Variants in ZNF277 observed in about 807,000 individuals in gnomAD.
ZNF277 encodes the protein nuclear receptor-interacting factor 4.
In ZNF277, 55 loss-of-function variants were observed where a neutral mutation model predicts 60.7. The ratio of observed to expected loss-of-function variants is 0.91; its 90% CI spans 0.73 to 1.13. ZNF277 has a LOEUF of 1.13. Among genes scored for constraint, ZNF277 ranks in the 50% most tolerant of loss-of-function variants. The pLI is 0.00. For missense variants in ZNF277, 510 were observed against 523.0 expected (o/e 0.98, Z 0.24); for synonymous variants, 178 against 179.3 (o/e 0.99, Z 0.06).
chr7:112,208,737 G>A (rs1003329763), intron 1 of ZNF277, among the ~76,000 whole-genome samples: 4 of 126,736 alleles, frequency 3.2e-5, no homozygotes, highest in African/African-American at 1.2e-4. Context: ...CTGGAGTGCA[G>A]TGGCGCGATC....
intron 5 of ZNF277, among the ~76,000 whole-genome samples, chr7:112,326,842 A>C (rs1223880830): frequency 6.6e-6 from 1 of 152,214 alleles, no homozygotes; most frequent in African/African-American, 2.4e-5. Context: ...GGCTCTCCAA[A>C]ACAATCACCT....
At chr7:112,302,547 T>C (rs985532568) in intron 4 of ZNF277, among the ~76,000 whole-genome samples, 2 of 152,128 alleles carry the variant, frequency 1.3e-5, no homozygotes, top group African/African-American at 4.8e-5. Flanking sequence ...TTATTAACAG[T>C]GCAACAGAGA....
At chr7:112,277,939 C>T (rs1283159621) in intron 1 of ZNF277, among the ~76,000 whole-genome samples, 2 of 152,168 alleles carry the variant, frequency 1.3e-5, no homozygotes, top group African/African-American at 4.8e-5. Flanking sequence ...GCTAGGCCTT[C>T]AGGACTGCCA....
At chr7:112,267,954 AT>A (rs1235872843) in intron 1 of ZNF277, among the ~76,000 whole-genome samples, 4 of 152,138 alleles carry the variant, frequency 2.6e-5, no homozygotes, top group Admixed American at 2.0e-4. Context: ...ACAGATATGC[AT>A]TTTTGTTAAC....
At chr7:112,281,659 T>C (rs1158956146) in intron 1 of ZNF277, among the ~76,000 whole-genome samples, 1 of 152,136 alleles carries the variant, frequency 6.6e-6, no homozygotes, top group Non-Finnish European at 1.5e-5. Context: ...GCAGAGAAAG[T>C]TCCCCTAAAG....
At chr7:112,321,376 T>A (rs1373415772) in intron 5 of ZNF277, among the ~76,000 whole-genome samples, 1 of 152,148 alleles carries the variant, frequency 6.6e-6, no homozygotes, top group Non-Finnish European at 1.5e-5. Context: ...ATTTGTTTCC[T>A]CCTCACTCCT....
At chr7:112,221,122 C>A (rs1822018448) in intron 1 of ZNF277, among the ~76,000 whole-genome samples, 1 of 152,182 alleles carries the variant, frequency 6.6e-6, no homozygotes, top group African/African-American at 2.4e-5. Context: ...GGCTCCTGAT[C>A]CAGCGAGGTG....
intron 1 of ZNF277, among the ~76,000 whole-genome samples, chr7:112,258,313 C>G (rs1791370409): frequency 6.6e-6 from 1 of 151,224 alleles, no homozygotes; most frequent in Non-Finnish European, 1.5e-5. Context: ...CTAGATTAAG[C>G]AAATGATAAT....
intron 1 of ZNF277, among the ~76,000 whole-genome samples, chr7:112,212,206 T>G (rs185341385): frequency 2.1e-4 from 32 of 152,372 alleles, no homozygotes; most frequent in African/African-American, 7.7e-4. Context: ...CCTTTATAAC[T>G]TTAAGCCTGT....
intron 4 of ZNF277, among the ~76,000 whole-genome samples, chr7:112,298,655 G>C (rs991732370): frequency 6.6e-6 from 1 of 152,190 alleles, no homozygotes; most frequent in Admixed American, 6.5e-5. Flanking sequence ...GCCTGAGAAA[G>C]ACTAGACCAA....
chr7:112,303,906 A>T (rs1481743255), intron 4 of ZNF277, among the ~76,000 whole-genome samples: 1 of 152,120 alleles, frequency 6.6e-6, no homozygotes, highest in Non-Finnish European at 1.5e-5. Context: ...TAGCAAGCAG[A>T]TGGCTGTTGC....
intron 4 of ZNF277, among the ~76,000 whole-genome samples, chr7:112,314,628 TA>T (rs1490415214): frequency 6.6e-6 from 1 of 151,978 alleles, no homozygotes; most frequent in African/African-American, 2.4e-5. Context: ...ACCCTGTCTC[TA>T]CAAAAAAATA....
intron 2 of ZNF277, among the ~76,000 whole-genome samples, chr7:112,293,433 G>T (rs1180270376): frequency 6.6e-6 from 1 of 151,892 alleles, no homozygotes; most frequent in Non-Finnish European, 1.5e-5. Context: ...AGGAAAATTA[G>T]TTGGGCATGG....
At chr7:112,244,718 A>G (rs1307001259) in intron 1 of ZNF277, among the ~76,000 whole-genome samples, 1 of 152,124 alleles carries the variant, frequency 6.6e-6, no homozygotes, top group Non-Finnish European at 1.5e-5. Flanking sequence ...ACTTCTGTTT[A>G]TGTCACCTAT....
intron 1 of ZNF277, among the ~76,000 whole-genome samples, chr7:112,256,071 C>G (rs573297534): frequency 6.6e-6 from 1 of 152,276 alleles, no homozygotes; most frequent in South Asian, 2.1e-4. Flanking sequence ...CTCTAGTCCT[C>G]TCTCCTAGCT....
chr7:112,268,792 A>T (rs142598792), intron 1 of ZNF277, among the ~76,000 whole-genome samples: 196 of 152,256 alleles, frequency 1.3e-3, no homozygotes, highest in African/African-American at 4.5e-3. Flanking sequence ...TTTTAAGATT[A>T]CTGATTATCT....
intron 6 of ZNF277, 125 bp from the exon 7 acceptor site, chr7:112,329,959 G>A: frequency 9.5e-7 from 1 of 1,051,218 alleles, no homozygotes; most frequent in Non-Finnish European, 1.3e-6. Context: ...TGACAAGGAT[G>A]GTATATCCCA....
chr7:112,236,669 A>G (rs1474827812), intron 1 of ZNF277, among the ~76,000 whole-genome samples: 1 of 152,102 alleles, frequency 6.6e-6, no homozygotes, highest in African/African-American at 2.4e-5. Context: ...GTGACTCATA[A>G]AATTCTACGA....
At chr7:112,320,901 G>T (rs1792964015) in intron 5 of ZNF277, among the ~76,000 whole-genome samples, 1 of 137,308 alleles carries the variant, frequency 7.3e-6, no homozygotes, top group African/African-American at 2.7e-5. Context: ...ATGATTTTTA[G>T]TTCCCTTGTT....
Sources: gnomAD v4.1 joint callset for allele counts (sites outside exome capture counted in the v4.1 genomes callset) on GRCh38, gnomAD v4.1.1 for gene constraint, MANE v1.5 for transcripts, NCBI Gene and HGNC (gene_info 2026-07-23, HGNC 2026-07-21) for gene names.